The following STK39 variants were observed in gnomAD, a reference collection of about 807,000 sequenced individuals.
STK39 encodes serine/threonine kinase 39.
A neutral mutation model predicts 77.8 loss-of-function variants in STK39; 20 were observed. That is an observed-to-expected ratio of 0.26 (90% CI 0.18 to 0.37). STK39 has a LOEUF of 0.37. STK39 is among the 10% of genes least tolerant of loss of function. The pLI is 1.00. For missense variants in STK39, 479 were observed against 656.5 expected, an observed-to-expected ratio of 0.73 and a Z score of 2.95; for synonymous variants, 246 against 234.1, an observed-to-expected ratio of 1.05 and a Z score of -0.47.
At chr2:168,072,129 A>G (rs1408121833) in intron 12 of STK39, among the ~76,000 whole-genome samples, 1 of 152,230 alleles carries the variant, frequency 6.6e-6, no homozygotes, top group Non-Finnish European at 1.5e-5. Flanking sequence ...GATTGCAAAA[A>G]CAATCAAGCA....
intron 12 of STK39, among the ~76,000 whole-genome samples, chr2:168,074,393 T>C (rs1435468463): frequency 6.6e-6 from 1 of 152,208 alleles, no homozygotes; most frequent in Non-Finnish European, 1.5e-5. Context: ...GGCATTAGGA[T>C]AATTAATCAA....
At chr2:168,232,499 G>A (rs1452621027) in intron 1 of STK39, among the ~76,000 whole-genome samples, 1 of 152,140 alleles carries the variant, frequency 6.6e-6, no homozygotes, top group Non-Finnish European at 1.5e-5. Context: ...GCATCCAACT[G>A]TAACTTTTAC....
chr2:168,236,251 T>G (rs1167054860), intron 1 of STK39, among the ~76,000 whole-genome samples: 1 of 152,256 alleles, frequency 6.6e-6, no homozygotes, highest in African/African-American at 2.4e-5. Context: ...CATAAATGTC[T>G]TCTTTTGAGA....
chr2:168,241,529 C>T (rs1474022775), intron 1 of STK39, among the ~76,000 whole-genome samples: 1 of 152,188 alleles, frequency 6.6e-6, no homozygotes, highest in Non-Finnish European at 1.5e-5. Context: ...CAGTTTCCTC[C>T]CACAGCAGTG....
chr2:168,236,095 T>C (rs1176198070), intron 1 of STK39, among the ~76,000 whole-genome samples: 1 of 151,944 alleles, frequency 6.6e-6, no homozygotes, highest in African/African-American at 2.4e-5. Context: ...TTCCTATTTC[T>C]CCACATCCTC....
chr2:168,125,806 T>G (rs946376654), intron 10 of STK39, among the ~76,000 whole-genome samples: 1 of 152,164 alleles, frequency 6.6e-6, no homozygotes, highest in African/African-American at 2.4e-5. Flanking sequence ...GAGGAGTCAA[T>G]CCGGATGAAG....
chr2:168,206,954 T>G (rs1167963517), intron 1 of STK39, among the ~76,000 whole-genome samples: 5 of 152,168 alleles, frequency 3.3e-5, no homozygotes, highest in Non-Finnish European at 7.3e-5. Context: ...GTTCACAATA[T>G]GAACACAACT....
At chr2:168,076,802 C>A (rs1039807787) in intron 10 of STK39, among the ~76,000 whole-genome samples, 2 of 151,942 alleles carry the variant, frequency 1.3e-5, no homozygotes, top group African/African-American at 2.4e-5. Context: ...ATATTTCTTC[C>A]GCTTGCATTT....
chr2:168,118,477 T>C (rs1687313737), intron 10 of STK39, among the ~76,000 whole-genome samples: 1 of 151,804 alleles, frequency 6.6e-6, no homozygotes, highest in Admixed American at 6.6e-5. Context: ...TCTTTCAAGA[T>C]CAATCTAAAA....
intron 1 of STK39, among the ~76,000 whole-genome samples, chr2:168,236,595 T>C (rs185425236): frequency 7.9e-5 from 12 of 152,252 alleles, no homozygotes. Flanking sequence ...GTCTAACATG[T>C]AAGTCTTTAA....
At chr2:168,197,773 C>T (rs140458130) in intron 1 of STK39, among the ~76,000 whole-genome samples, 5,271 of 152,288 alleles carry the variant, frequency 0.035, 134 homozygotes, top group Admixed American at 0.055. Context: ...CAATGGCTCA[C>T]GCCTATAATC....
intron 10 of STK39, among the ~76,000 whole-genome samples, chr2:168,124,394 T>A (rs1463627608): frequency 6.6e-6 from 1 of 152,042 alleles, no homozygotes; most frequent in Non-Finnish European, 1.5e-5. Context: ...CATATGTGGG[T>A]TATATTTTTT....
intron 1 of STK39, among the ~76,000 whole-genome samples, chr2:168,235,165 G>A (rs1258456304): frequency 6.6e-6 from 1 of 151,962 alleles, no homozygotes; most frequent in Non-Finnish European, 1.5e-5. Context: ...AGCCTCCCGA[G>A]TAGCTGGGAT....
At chr2:167,985,547 A>G (rs1299484732) in intron 16 of STK39, among the ~76,000 whole-genome samples, 4 of 152,102 alleles carry the variant, frequency 2.6e-5, no homozygotes, top group Non-Finnish European at 4.4e-5. Flanking sequence ...GGAAGTTCCA[A>G]TCTTCCTTCA....
intron 5 of STK39, among the ~76,000 whole-genome samples, chr2:168,151,324 C>T (rs1280600335): frequency 6.6e-6 from 1 of 152,148 alleles, no homozygotes; most frequent in African/African-American, 2.4e-5. Context: ...GCAAGCCTTC[C>T]CATGACTGGG....
chr2:168,220,804 A>T (rs1338570342), intron 1 of STK39, among the ~76,000 whole-genome samples: 1 of 152,180 alleles, frequency 6.6e-6, no homozygotes, highest in Non-Finnish European at 1.5e-5. Context: ...GACTGAGGAG[A>T]TTAAGATTAT....
At chr2:168,221,753 ACTT>A (rs1374010794) in intron 1 of STK39, among the ~76,000 whole-genome samples, 4 of 152,148 alleles carry the variant, frequency 2.6e-5, no homozygotes, top group African/African-American at 9.7e-5. Context: ...CGTAAAGGGC[ACTT>A]CTTCTTTGGA....
chr2:168,059,019 T>G (rs1272360863), intron 14 of STK39, among the ~76,000 whole-genome samples: 1 of 152,256 alleles, frequency 6.6e-6, no homozygotes, highest in Non-Finnish European at 1.5e-5. Context: ...GCCCATGACC[T>G]TGGCTCTGCC....
intron 14 of STK39, among the ~76,000 whole-genome samples, chr2:168,051,926 T>C (rs1194901870): frequency 6.6e-6 from 1 of 151,502 alleles, no homozygotes; most frequent in African/African-American, 2.4e-5. Context: ...CCAGCTTCCA[T>C]CCTCTAGCTG....
Sources: allele counts gnomAD v4.1 joint callset (sites outside exome capture counted in the v4.1 genomes callset), GRCh38; gene constraint gnomAD v4.1.1; transcripts MANE v1.5; gene names NCBI Gene and HGNC (gene_info 2026-07-23, HGNC 2026-07-21).